The following MAX variants were observed in gnomAD, a reference collection of about 807,000 sequenced individuals.
MAX encodes the protein protein max.
A neutral mutation model predicts 22.3 loss-of-function variants in MAX; 3 were observed. That is an observed-to-expected ratio of 0.13 (90% confidence interval 0.06 to 0.35). The LOEUF (loss-of-function observed/expected upper bound fraction) is 0.35. MAX is among the 10% of genes least tolerant of loss of function. MAX has a pLI of 1.00. For synonymous variants in MAX, 72 were observed against 77.7 expected (o/e 0.93, Z 0.39); for missense variants, 119 against 209.4 (o/e 0.57, Z 2.66).
At position 65,075,771 on chromosome 14, in the gene MAX, T is replaced by C. The variant is rs2063042029; in HGVS notation, c.*705A>G. 2.8e-6 allele frequency: 3 copies of C among 1,066,042 alleles called. No homozygotes were observed. The South Asian group carries it at 1.4e-4, about 48-fold the overall frequency. 66.0% of individuals were successfully genotyped at this position (1,066,042 alleles called of 1,614,324 possible). On this transcript the variant is annotated 3_prime_UTR_variant, in exon 5 of 5. Coordinates refer to ENST00000358664, the MANE Select transcript of MAX (RefSeq NM_002382.5). This position sits in a 1 kb window ranked among gnomAD's most constrained non-coding sequence, Gnocchi z 4.1. ...CTTCACTGCTGCCATCTCCCATACA[T>C]ACCACGAGAGTGTCACACGGCCCTC... is the stretch of plus-strand genomic sequence containing the variant.
chr14:65,042,467 A>T (rs551283678), intron 3 of MAX, among the ~76,000 whole-genome samples: 2 of 152,180 alleles, frequency 1.3e-5, no homozygotes, highest in African/African-American at 4.8e-5. Flanking sequence ...TTGCGCTCCT[A>T]TGAGAATCTA....
rs2063160098 is a variant in MAX at position 65,079,919 on chromosome 14, G to C, written c.172-1883C>G. Among the ~76,000 whole-genome samples the C allele has an allele frequency of 6.6e-6, 1 of 152,070 alleles. No individual in the cohort carries two copies. The highest frequency in any genetic ancestry group is 1.5e-5 in the Non-Finnish European group (1 of 68,038). ...GTTCATAATCAACCATTTTTATCAGGTGCAAATTACGTACAAGATACTAGG... is the reference window on the plus strand; with the variant it reads ...GTTCATAATCAACCATTTTTATCAGCTGCAAATTACGTACAAGATACTAGG... On this transcript the variant is annotated intron_variant, in intron 3 of 4. Transcript: ENST00000358664. The surrounding 1 kb of genome is among the most constrained non-coding windows in gnomAD (Gnocchi z 4.5).
chr14:65,077,070 G>GT lies in MAX; in HGVS notation c.296-408dup. On this transcript the variant is annotated intron_variant, in intron 4 of 4. Transcript: ENST00000358664. This position sits in a 1 kb window ranked among gnomAD's most constrained non-coding sequence, Gnocchi z 6.3. ...ACAGCAGGAAAGGATGACATAAGACGTATCAGCCAAAGAACAGTTTTGGCT... is the reference window on the plus strand; with the variant it reads ...ACAGCAGGAAAGGATGACATAAGACGTTATCAGCCAAAGAACAGTTTTGGCT... 1 of 565,654 alleles carries GT rather than the reference G, an allele frequency of 1.8e-6. No homozygotes were observed. The highest frequency in any genetic ancestry group is 3.1e-6 in the Non-Finnish European group (1 of 319,034). 35.0% of individuals were successfully genotyped at this position (565,654 alleles called of 1,614,324 possible).
chr14:65,040,730 C>CT (rs1220663880), intron 3 of MAX: 1 of 1,571,638 alleles, frequency 6.4e-7, no homozygotes, highest in Non-Finnish European at 8.7e-7. Flanking sequence ...TAGGATGGTC[C>CT]TGGTCTTGTG....
chr14:65,019,971 T>C (rs890565001), intron 3 of MAX, among the ~76,000 whole-genome samples: 4 of 152,246 alleles, frequency 2.6e-5, no homozygotes, highest in African/African-American at 9.6e-5. Context: ...TCAGTTTTCT[T>C]TCTTCATACA....
At chr14:65,091,575 C>A (rs1323532948) in intron 3 of MAX, among the ~76,000 whole-genome samples, 4 of 152,194 alleles carry the variant, frequency 2.6e-5, no homozygotes, top group African/African-American at 4.8e-5. Context: ...TCTGTTTTCC[C>A]TGCCTGGCCC....
At chr14:65,040,251 A>ATATATGTGTG (rs2062314613) in intron 3 of MAX, among the ~76,000 whole-genome samples, 4 of 119,346 alleles carry the variant, frequency 3.4e-5, no homozygotes, top group African/African-American at 1.1e-4. Context: ...TTATCACTAT[A>ATATATGTGTG]TATATATGTA....
At position 65,077,133 on chromosome 14, in the gene MAX, T is replaced by C; in HGVS notation, c.296-470A>G. On this transcript the variant is annotated intron_variant, in intron 4 of 4. Transcript: ENST00000358664. The surrounding 1 kb of genome is among the most constrained non-coding windows in gnomAD (Gnocchi z 6.3). ...ACAAGATCCACTTGGAATGACAAGCTGGACACTTGGAAGCAAGTCACCAAT... is the reference window on the plus strand; with the variant it reads ...ACAAGATCCACTTGGAATGACAAGCCGGACACTTGGAAGCAAGTCACCAAT... 1.7e-6 allele frequency: 1 copy of C among 601,998 alleles called. No individual in the cohort carries two copies. 37.3% of individuals were successfully genotyped at this position (601,998 alleles called of 1,614,324 possible). A position where few individuals can be genotyped will look rare whatever the true frequency, so the allele number is the denominator to read the frequency against.
Position 65,054,565 on chromosome 14 carries a change from G to C in MAX, c.171+39143C>G. 1 of 1,611,216 alleles carries C rather than the reference G, an allele frequency of 6.2e-7. No homozygotes were observed. The highest frequency in any genetic ancestry group is 1.1e-5 in the South Asian group (1 of 90,342). On this transcript the variant is annotated intron_variant, in intron 3 of 3. Coordinates refer to the MAX transcript ENST00000341653. This position sits in a 1 kb window ranked among gnomAD's most constrained non-coding sequence, Gnocchi z 4.4. ...GAGGAGCGCCTGCTCAGAGCTGCCTGTCCTTACAGGTCGCGTGATTTCTAC... is the reference window on the plus strand; with the variant it reads ...GAGGAGCGCCTGCTCAGAGCTGCCTCTCCTTACAGGTCGCGTGATTTCTAC...
At position 65,057,414 on chromosome 14, in the gene MAX, G is replaced by GC. The variant is rs577456113; in HGVS notation, c.171+36293dup. Among the ~76,000 whole-genome samples the GC allele has an allele frequency of 5.0e-4, 76 of 152,178 alleles. 1 individual carries two copies. The South Asian group carries it at 0.015, about 30-fold the overall frequency. On this transcript the variant is annotated intron_variant, in intron 3 of 3. Transcript: ENST00000341653. ...AGTCTGGGAGATAGAGTGAGACCCT[G>GC]CCCCCAGCACCCCTTCCCCACAAAA...
chr14:65,036,296 G>C (rs1029552283), intron 3 of MAX, among the ~76,000 whole-genome samples: 1 of 150,752 alleles, frequency 6.6e-6, no homozygotes, highest in South Asian at 2.1e-4. Context: ...GAGTGCAGTG[G>C]CGTGATCTTG....
In MAX at chr14:65,015,456, C is replaced by G. The variant is rs1051211427; in HGVS notation, c.172-9172G>C. 3.9e-5 allele frequency: 13 copies of G among 331,862 alleles called. No homozygotes were observed. The East Asian group carries it at 5.9e-4, about 15-fold the overall frequency. 20.6% of individuals were successfully genotyped at this position (331,862 alleles called of 1,614,324 possible). ...TTTTAACAGATGGTCATTTCAGCTC[C>G]TGGCTAAGGCCACAAAGCAAAGTGT... On this transcript the variant is annotated intron_variant, in intron 3 of 3. Transcript: ENST00000341653.
At position 65,102,466 on chromosome 14, in the gene MAX, C is replaced by A; in HGVS notation, c.-127G>T. 1 of 1,525,080 alleles carries A rather than the reference C, an allele frequency of 6.6e-7. No individual in the cohort carries two copies. Among genetic ancestry groups the A allele is most frequent in the Non-Finnish European group, 8.8e-7 (1 of 1,137,944 alleles). 94.5% of individuals were successfully genotyped at this position (1,525,080 alleles called of 1,614,324 possible). A position where few individuals can be genotyped will look rare whatever the true frequency, so the allele number is the denominator to read the frequency against. On this transcript the variant is annotated 5_prime_UTR_variant, in exon 1 of 5. Transcript: ENST00000358664. ...ACACACACTCACTCACTCACTCACTCGCTCTCTCACTCACACACACACACA... is the reference window on the plus strand; with the variant it reads ...ACACACACTCACTCACTCACTCACTAGCTCTCTCACTCACACACACACACA...
At chr14:65,021,160 A>C (rs534821884) in intron 3 of MAX, among the ~76,000 whole-genome samples, 25 of 152,346 alleles carry the variant, frequency 1.6e-4, no homozygotes, top group Non-Finnish European at 3.2e-4. Flanking sequence ...AGCATCCTCT[A>C]ATGAGAATCC....
chr14:65,038,404 C>T (rs2062264517), intron 3 of MAX, among the ~76,000 whole-genome samples: 3 of 147,522 alleles, frequency 2.0e-5, no homozygotes, highest in Admixed American at 6.9e-5. Flanking sequence ...TGTGAGACTC[C>T]ATCTCAAAAT....
rs2061606689 is a variant in MAX at position 65,007,091 on chromosome 14, G to A, written c.172-807C>T. Reference sequence around the variant, plus strand: ...GTTTTAAAGGATGCTAATTAATATTGGAGATACTATACATTTTGGCTGAAT... The same window carrying A: ...GTTTTAAAGGATGCTAATTAATATTAGAGATACTATACATTTTGGCTGAAT... On this transcript the variant is annotated intron_variant, in intron 3 of 3. Coordinates refer to the MAX transcript ENST00000341653. The surrounding 1 kb of genome is among the most constrained non-coding windows in gnomAD (Gnocchi z 4.9). 6.6e-6 allele frequency among the ~76,000 whole-genome samples: 1 copy of A among 152,096 alleles called. No homozygotes were observed. The highest frequency in any genetic ancestry group is 2.1e-4 in the South Asian group (1 of 4,830).
At position 65,076,599 on chromosome 14, in the gene MAX, G is replaced by T. The variant is rs1555340209; in HGVS notation, c.360C>A (p.Asn120Lys). Residue 120 changes from asparagine to lysine, a missense_variant, in exon 5 of 5, where the codon AAC (asparagine) becomes AAA (lysine). This residue lies in a region of MAX where 95 missense variants were observed against 148.1 expected (regional missense o/e 0.64). Coordinates refer to ENST00000358664, the MANE Select transcript of MAX (RefSeq NM_002382.5). This position sits in a 1 kb window ranked among gnomAD's most constrained non-coding sequence, Gnocchi z 6.6. ...QLQTNYPSSD[N>K]SLYTNAKGST... ...TGCCCTTGGCGTTGGTGTAGAGGCT[G>T]TTGTCTGAGGAGGGGTAGTTGGTCT... The T allele has an allele frequency of 1.2e-5, 20 of 1,614,148 alleles. No homozygotes were observed. Among genetic ancestry groups the T allele is most frequent in the Non-Finnish European group, 1.6e-5 (19 of 1,180,030 alleles).
chr14:65,040,534 C>T (rs1424236647), intron 3 of MAX, among the ~76,000 whole-genome samples: 2 of 151,426 alleles, frequency 1.3e-5, no homozygotes, highest in African/African-American at 2.4e-5. Flanking sequence ...TCGAACTCCT[C>T]GCCTCAAGTG....
intron 3 of MAX, among the ~76,000 whole-genome samples, chr14:65,037,405 T>C (rs1354074604): frequency 0.015 from 161 of 10,660 alleles, 58 homozygotes; most frequent in Admixed American, 0.053. Flanking sequence ...GCCGGGCCCT[T>C]TTTTTTTTTT....
Sources: allele counts gnomAD v4.1 joint callset (sites outside exome capture counted in the v4.1 genomes callset), GRCh38; gene constraint gnomAD v4.1.1; regional missense constraint gnomAD v4.1.1; non-coding constraint Gnocchi (gnomAD v3.1); transcripts MANE v1.5; gene names NCBI Gene and HGNC (gene_info 2026-07-23, HGNC 2026-07-21).